The following CNTN5 variants were observed in gnomAD, a reference collection of about 807,000 sequenced individuals.
CNTN5 encodes contactin 5, also known as contactin-5.
CNTN5 carries 77 observed loss-of-function variants against 129.1 expected under a neutral mutation model. That is an observed-to-expected ratio of 0.60 (90% CI 0.50 to 0.72). The LOEUF is 0.72. Ranked by LOEUF, CNTN5 falls within the 30% of genes least tolerant of loss-of-function variation. The probability of loss-of-function intolerance (pLI) is 0.00; values close to 1 mark genes in which losing one functional copy is unlikely to be tolerated. For missense variants in CNTN5, 1,478 were observed against 1,328.8 expected, an observed-to-expected ratio of 1.11 and a Z score of -1.75; for synonymous variants, 509 against 465.6, an observed-to-expected ratio of 1.09 and a Z score of -1.20.
chr11:100,306,981 AAG>A (rs1200526177), intron 20 of CNTN5, among the ~76,000 whole-genome samples: 2 of 151,702 alleles, frequency 1.3e-5, no homozygotes, highest in African/African-American at 2.4e-5. Flanking sequence ...GTTTTTAACA[AAG>A]GTTTGGCCAA....
chr11:99,216,168 C>A (rs1860103366), intron 1 of CNTN5, among the ~76,000 whole-genome samples: 1 of 152,118 alleles, frequency 6.6e-6, no homozygotes. Context: ...TCCTTCCCAG[C>A]CCTTAGTAAC....
chr11:99,902,197 G>A (rs1396681437), intron 6 of CNTN5, among the ~76,000 whole-genome samples: 2 of 150,796 alleles, frequency 1.3e-5, no homozygotes, highest in African/African-American at 2.4e-5. Context: ...GTGAACCAGA[G>A]CGTGGATCTA....
At chr11:100,270,836 A>G (rs749030248) in intron 17 of CNTN5, among the ~76,000 whole-genome samples, 6 of 152,224 alleles carry the variant, frequency 3.9e-5, no homozygotes, top group Non-Finnish European at 5.9e-5. Context: ...ATTAGTGTAC[A>G]TAATGGTGAG....
rs533303380 is a variant in CNTN5 at position 99,684,707 on chromosome 11, G to A, written c.55+128438G>A. Among the ~76,000 whole-genome samples the A allele has an allele frequency of 1.3e-4, 19 of 151,802 alleles. No individual in the cohort carries two copies. In the East Asian group the frequency reaches 3.7e-3, roughly 29 times the overall value. On this transcript the variant is annotated intron_variant, in intron 3 of 24. Transcript: ENST00000524871. Reference sequence around the variant, plus strand: ...TTTGTTAGCTTAGTGTTTTATTCTAGAAATTTGTCCATTTCAAATAATTTT... The same window carrying A: ...TTTGTTAGCTTAGTGTTTTATTCTAAAAATTTGTCCATTTCAAATAATTTT...
intron 1 of CNTN5, among the ~76,000 whole-genome samples, chr11:99,270,667 A>T (rs1035521991): frequency 2.6e-5 from 4 of 151,994 alleles, no homozygotes; most frequent in African/African-American, 9.7e-5. Flanking sequence ...AGTTAAAGTG[A>T]AATTAATAAT....
chr11:99,655,477 T>C (rs1271594258), intron 3 of CNTN5, among the ~76,000 whole-genome samples: 1 of 152,144 alleles, frequency 6.6e-6, no homozygotes, highest in Non-Finnish European at 1.5e-5. Context: ...AAAAATCTCT[T>C]GCATGCTTCC....
chr11:100,057,819 A>G (rs1470635475), intron 9 of CNTN5, among the ~76,000 whole-genome samples: 1 of 152,066 alleles, frequency 6.6e-6, no homozygotes, highest in Non-Finnish European at 1.5e-5. Context: ...CATATAAATT[A>G]TAAAGAATAT....
At chr11:100,077,092 A>T (rs1944161606) in intron 13 of CNTN5, among the ~76,000 whole-genome samples, 1 of 152,084 alleles carries the variant, frequency 6.6e-6, no homozygotes, top group Admixed American at 6.6e-5. Context: ...TCTCAGTTAC[A>T]ATGACAACTT....
chr11:100,034,982 T>C (rs1941905182), intron 9 of CNTN5, among the ~76,000 whole-genome samples: 1 of 152,142 alleles, frequency 6.6e-6, no homozygotes, highest in South Asian at 2.1e-4. Context: ...TTAAATTTTA[T>C]TATTATACTT....
chr11:100,279,190 T>C (rs906173664), intron 18 of CNTN5, among the ~76,000 whole-genome samples: 8 of 152,022 alleles, frequency 5.3e-5, no homozygotes, highest in African/African-American at 1.9e-4. Context: ...TAATGTGTTA[T>C]TGAATTCAGT....
chr11:99,790,836 T>G (rs1945716268), intron 3 of CNTN5, among the ~76,000 whole-genome samples: 1 of 152,174 alleles, frequency 6.6e-6, no homozygotes, highest in Non-Finnish European at 1.5e-5. Flanking sequence ...GCATGTTATT[T>G]TTTTGACATT....
intron 1 of CNTN5, among the ~76,000 whole-genome samples, chr11:99,313,271 A>G (rs1357333534): frequency 6.6e-6 from 1 of 152,150 alleles, no homozygotes; most frequent in Non-Finnish European, 1.5e-5. Context: ...AAAACAAATT[A>G]TCTTGAAATA....
chr11:99,509,129 T>A (rs775228644), intron 2 of CNTN5, among the ~76,000 whole-genome samples: 11 of 152,206 alleles, frequency 7.2e-5, no homozygotes, highest in Non-Finnish European at 1.3e-4. Context: ...TGAATATAAA[T>A]CATCATGTTG....
At chr11:100,209,163 T>C (rs1948972601) in intron 15 of CNTN5, among the ~76,000 whole-genome samples, 1 of 152,188 alleles carries the variant, frequency 6.6e-6, no homozygotes. Context: ...ACCATTACTG[T>C]AGCAATCTAC....
At chr11:99,291,521 A>G (rs1015529116) in intron 1 of CNTN5, among the ~76,000 whole-genome samples, 6 of 152,110 alleles carry the variant, frequency 3.9e-5, no homozygotes, top group Admixed American at 6.5e-5. Context: ...TTTCTAAAAA[A>G]TGTGCTTTCT....
intron 2 of CNTN5, among the ~76,000 whole-genome samples, chr11:99,501,225 T>C (rs1946416692): frequency 6.6e-6 from 1 of 152,198 alleles, no homozygotes; most frequent in Admixed American, 6.5e-5. Context: ...ACTATTCTGC[T>C]GGAATTATAA....
intron 1 of CNTN5, among the ~76,000 whole-genome samples, chr11:99,067,542 G>C (rs938778982): frequency 3.9e-5 from 6 of 152,098 alleles, no homozygotes; most frequent in African/African-American, 1.4e-4. Context: ...GAGATATGTA[G>C]GAAAGTGCCA....
chr11:99,029,644 C>T (rs1863268051), intron 1 of CNTN5, among the ~76,000 whole-genome samples: 2 of 152,004 alleles, frequency 1.3e-5, no homozygotes, highest in South Asian at 4.1e-4. Context: ...AATTAATGTA[C>T]AGAAAGAATG....
At chr11:99,413,625 C>A (rs202029544) in intron 2 of CNTN5, among the ~76,000 whole-genome samples, 86 of 99,076 alleles carry the variant, frequency 8.7e-4, no homozygotes, top group African/African-American at 1.9e-3. Flanking sequence ...TCTCAAAAAA[C>A]AAAACAAAAC....
Sources: allele counts gnomAD v4.1 joint callset (sites outside exome capture counted in the v4.1 genomes callset), GRCh38; gene constraint gnomAD v4.1.1; transcripts MANE v1.5; gene names NCBI Gene and HGNC (gene_info 2026-07-23, HGNC 2026-07-21).